The following ELOVL5 variants were observed in gnomAD, a reference collection of about 807,000 sequenced individuals.
The protein encoded by ELOVL5 is very long chain fatty acid elongase 5.
Under a neutral mutation model 38.6 loss-of-function variants are expected in ELOVL5, and 8 were observed. That is an observed-to-expected ratio of 0.21 (90% CI 0.12 to 0.37). The LOEUF is 0.37. ELOVL5 is among the 10% of genes least tolerant of loss of function. ELOVL5 has a pLI of 1.00. For missense variants in ELOVL5, 280 were observed against 367.8 expected (o/e 0.76, Z 1.95); for synonymous variants, 127 against 133.7 (o/e 0.95, Z 0.34).
intron 1 of ELOVL5, among the ~76,000 whole-genome samples, chr6:53,315,571 T>C (rs1317748053): frequency 6.6e-6 from 1 of 152,254 alleles, no homozygotes; most frequent in Non-Finnish European, 1.5e-5. Context: ...GTTGTACTAT[T>C]GTAAATTAGT....
intron 1 of ELOVL5, among the ~76,000 whole-genome samples, chr6:53,331,639 T>C (rs897431049): frequency 6.6e-6 from 1 of 152,208 alleles, no homozygotes; most frequent in African/African-American, 2.4e-5. Context: ...ATGCAGTGTA[T>C]GACTAAACTT....
At chr6:53,303,559 T>G (rs1253500936) in intron 1 of ELOVL5, among the ~76,000 whole-genome samples, 1 of 152,132 alleles carries the variant, frequency 6.6e-6, no homozygotes, top group Non-Finnish European at 1.5e-5. Flanking sequence ...ACAGCTCTAT[T>G]TGGGGTTTTA....
intron 2 of ELOVL5, chr6:53,294,602 T>A: frequency 7.4e-7 from 1 of 1,358,382 alleles, no homozygotes; most frequent in Non-Finnish European, 9.7e-7. Flanking sequence ...TAATAATTAT[T>A]ATTATTATTT....
intron 7 of ELOVL5, 55 bp from the exon 8 acceptor site, chr6:53,269,325 A>C: frequency 6.9e-7 from 1 of 1,439,168 alleles, no homozygotes; most frequent in Non-Finnish European, 9.3e-7. Context: ...CTTTATAGGG[A>C]ACTTTACTGA....
intron 1 of ELOVL5, among the ~76,000 whole-genome samples, chr6:53,326,533 C>G (rs537977760): frequency 1.3e-5 from 2 of 152,262 alleles, no homozygotes; most frequent in South Asian, 4.1e-4. Flanking sequence ...AGCTCCCAAG[C>G]AGGGAAAGCT....
chr6:53,344,208 C>T (rs776306389), intron 1 of ELOVL5, among the ~76,000 whole-genome samples: 30 of 152,324 alleles, frequency 2.0e-4, no homozygotes, highest in Middle Eastern at 3.4e-3. Flanking sequence ...TCTATCTAGG[C>T]TGTGGGGCTA....
chr6:53,331,773 C>CTAAA (rs1300322859), intron 1 of ELOVL5, among the ~76,000 whole-genome samples: 1 of 152,180 alleles, frequency 6.6e-6, no homozygotes, highest in Non-Finnish European at 1.5e-5. Flanking sequence ...AAATCTTACA[C>CTAAA]TAAATATATT....
chr6:53,303,777 A>G (rs1767365641), intron 1 of ELOVL5, among the ~76,000 whole-genome samples: 1 of 152,224 alleles, frequency 6.6e-6, no homozygotes, highest in South Asian at 2.1e-4. Context: ...CTTGGCTGCT[A>G]CTAGTTAATT....
At chr6:53,330,517 CTTTTTT>C (rs757160862) in intron 1 of ELOVL5, among the ~76,000 whole-genome samples, 2 of 91,392 alleles carry the variant, frequency 2.2e-5, no homozygotes, top group East Asian at 3.7e-4. Flanking sequence ...TCTTTATAAA[CTTTTTT>C]TTTTTTTTTT....
At chr6:53,310,389 G>C (rs1467792062) in intron 1 of ELOVL5, among the ~76,000 whole-genome samples, 1 of 151,808 alleles carries the variant, frequency 6.6e-6, no homozygotes, top group East Asian at 1.9e-4. Flanking sequence ...GTTAACTCTA[G>C]GTTTATATGG....
At chr6:53,278,125 GTTACCATT>G (rs1231233735) in intron 3 of ELOVL5, among the ~76,000 whole-genome samples, 2 of 152,184 alleles carry the variant, frequency 1.3e-5, no homozygotes, top group African/African-American at 2.4e-5. Flanking sequence ...TTTTGGAAAT[GTTACCATT>G]TTATGAATCT....
chr6:53,317,850 A>T (rs1302149282), intron 1 of ELOVL5, among the ~76,000 whole-genome samples: 3 of 150,212 alleles, frequency 2.0e-5, no homozygotes, highest in Middle Eastern at 3.2e-3. Flanking sequence ...AAAATAAAAT[A>T]AAATAAAATA....
chr6:53,312,906 A>G (rs1269624371), intron 1 of ELOVL5, among the ~76,000 whole-genome samples: 1 of 152,250 alleles, frequency 6.6e-6, no homozygotes, highest in Non-Finnish European at 1.5e-5. Context: ...CTATGACTCC[A>G]TTCACAAAAG....
chr6:53,323,350 CACTT>C (rs1381933722), intron 1 of ELOVL5, among the ~76,000 whole-genome samples: 4 of 152,102 alleles, frequency 2.6e-5, no homozygotes, highest in Admixed American at 2.0e-4. Context: ...GTTTATGTGA[CACTT>C]AATTTGGTTT....
At chr6:53,293,504 G>C (rs896313536) in intron 2 of ELOVL5, among the ~76,000 whole-genome samples, 14 of 151,988 alleles carry the variant, frequency 9.2e-5, no homozygotes, top group African/African-American at 3.4e-4. Flanking sequence ...TTTTAGTAGA[G>C]ACCAGGTTTC....
chr6:53,348,409 C>T (rs527948403), intron 1 of ELOVL5, among the ~76,000 whole-genome samples: 94 of 152,282 alleles, frequency 6.2e-4, no homozygotes, highest in African/African-American at 2.0e-3. Context: ...CCCGGCTCTC[C>T]CGCCGCGCGC....
intron 1 of ELOVL5, among the ~76,000 whole-genome samples, chr6:53,314,338 A>G (rs1158146693): frequency 6.6e-6 from 1 of 152,244 alleles, no homozygotes; most frequent in Non-Finnish European, 1.5e-5. Flanking sequence ...ACATGAAGTC[A>G]GTTAGGTGCC....
chr6:53,339,395 G>A (rs1303331632), intron 1 of ELOVL5, among the ~76,000 whole-genome samples: 6 of 152,218 alleles, frequency 3.9e-5, no homozygotes, highest in African/African-American at 1.4e-4. Context: ...AGGATCCTAA[G>A]AGAACTGAAG....
chr6:53,328,059 C>A (rs1264658048), intron 1 of ELOVL5, among the ~76,000 whole-genome samples: 1 of 152,126 alleles, frequency 6.6e-6, no homozygotes, highest in African/African-American at 2.4e-5. Flanking sequence ...TAGTAAAAAA[C>A]CTACCGGCTA....
Sources: gnomAD v4.1 joint callset for allele counts (sites outside exome capture counted in the v4.1 genomes callset) on GRCh38, gnomAD v4.1.1 for gene constraint, MANE v1.5 for transcripts, NCBI Gene and HGNC (gene_info 2026-07-23, HGNC 2026-07-21) for gene names.